ELAPOR2: variants seen among roughly 807,000 people sequenced by gnomAD.
The protein encoded by ELAPOR2 is endosome/lysosome-associated apoptosis and autophagy regulator family member 2.
ELAPOR2 carries 89 observed loss-of-function variants against 120.7 expected under a neutral mutation model. The observed-to-expected ratio is 0.74, with a 90% CI of 0.62 to 0.88. The LOEUF (loss-of-function observed/expected upper bound fraction) is 0.88. Ranked by LOEUF, ELAPOR2 falls within the 40% of genes least tolerant of loss-of-function variation. The probability of loss-of-function intolerance (pLI) is 0.00; values close to 1 mark genes in which losing one functional copy is unlikely to be tolerated. For missense variants in ELAPOR2, 1,134 were observed against 1,251.6 expected (o/e 0.91, Z 1.42); for synonymous variants, 444 against 444.9 (o/e 1.00, Z 0.03).
At chr7:86,931,065 T>C (rs1163595433) in intron 8 of ELAPOR2, among the ~76,000 whole-genome samples, 1 of 151,932 alleles carries the variant, frequency 6.6e-6, no homozygotes, top group Non-Finnish European at 1.5e-5. Context: ...AAACAGACTA[T>C]TTGAGTTAGA....
At chr7:86,962,601 T>C (rs1351380253) in intron 2 of ELAPOR2, among the ~76,000 whole-genome samples, 2 of 152,184 alleles carry the variant, frequency 1.3e-5, no homozygotes, top group Admixed American at 1.3e-4. Flanking sequence ...ATGTCTGTCT[T>C]TGAATCCTAG....
Position 86,930,921 on chromosome 7 carries a change from A to C in ELAPOR2, c.1090-4005T>G, listed in dbSNP as rs1452669853. ...TGAGTACCTACTATGCACAGGACAA[A>C]GTACCATGGGAGATTCAAGAATTAG... On this transcript the variant is annotated intron_variant, in intron 8 of 21. Transcript: ENST00000450689. 2.6e-5 allele frequency among the ~76,000 whole-genome samples: 4 copies of C among 151,980 alleles called. No homozygotes were observed. In the South Asian group the frequency reaches 6.2e-4, roughly 24 times the overall value.
intron 2 of ELAPOR2, among the ~76,000 whole-genome samples, chr7:86,960,876 A>AG (rs1289347202): frequency 6.6e-6 from 1 of 151,870 alleles, no homozygotes; most frequent in Non-Finnish European, 1.5e-5. Context: ...AATAGATTTG[A>AG]GAAAAAAAAA....
intron 1 of ELAPOR2, among the ~76,000 whole-genome samples, chr7:87,040,456 C>G (rs1253432710): frequency 6.6e-6 from 1 of 152,196 alleles, no homozygotes; most frequent in Non-Finnish European, 1.5e-5. Context: ...CAAGTGGGTC[C>G]CTGACCCCCG....
chr7:87,022,202 T>G (rs1192516412), intron 1 of ELAPOR2, among the ~76,000 whole-genome samples: 3 of 151,764 alleles, frequency 2.0e-5, no homozygotes, highest in Non-Finnish European at 4.4e-5. Flanking sequence ...TAACATTAGT[T>G]ATATCTCCTA....
chr7:86,951,029 C>T (rs892573175), intron 2 of ELAPOR2, among the ~76,000 whole-genome samples: 3 of 152,322 alleles, frequency 2.0e-5, no homozygotes, highest in East Asian at 1.9e-4. Flanking sequence ...CAGAATCAGA[C>T]ATTTGCCTAA....
intron 10 of ELAPOR2, among the ~76,000 whole-genome samples, chr7:86,921,713 T>C (rs1789838739): frequency 6.6e-6 from 1 of 152,122 alleles, no homozygotes; most frequent in Non-Finnish European, 1.5e-5. Flanking sequence ...TCTACTGCTC[T>C]GAACCCCCTG....
At chr7:86,942,170 C>G (rs555700448) in intron 4 of ELAPOR2, 66 bp from the exon 5 acceptor site, 1 of 878,676 alleles carries the variant, frequency 1.1e-6, no homozygotes, top group African/African-American at 1.7e-5. Flanking sequence ...AATTCTGTAC[C>G]CAGCACAGAC....
At chr7:86,988,217 G>T (rs1045052560) in intron 1 of ELAPOR2, among the ~76,000 whole-genome samples, 1 of 152,122 alleles carries the variant, frequency 6.6e-6, no homozygotes, top group Non-Finnish European at 1.5e-5. Context: ...TGTGGGGGGA[G>T]GGATAGCACT....
chr7:87,006,772 A>C (rs1351994919), intron 1 of ELAPOR2, among the ~76,000 whole-genome samples: 2 of 152,182 alleles, frequency 1.3e-5, no homozygotes, highest in Admixed American at 1.3e-4. Flanking sequence ...GCCACTTATT[A>C]TATTCAAAAT....
intron 1 of ELAPOR2, among the ~76,000 whole-genome samples, chr7:86,986,559 GACAA>G (rs924724742): frequency 8.7e-5 from 11 of 127,084 alleles, no homozygotes; most frequent in African/African-American, 3.8e-4. Flanking sequence ...ACCATTAACA[GACAA>G]ACAGACAAAT....
At chr7:87,004,583 C>T (rs1455269317) in intron 1 of ELAPOR2, among the ~76,000 whole-genome samples, 1 of 152,114 alleles carries the variant, frequency 6.6e-6, no homozygotes, top group Non-Finnish European at 1.5e-5. Flanking sequence ...GCCTGCCTGC[C>T]CTGTCATCTG....
intron 12 of ELAPOR2, among the ~76,000 whole-genome samples, chr7:86,915,684 T>C (rs978856317): frequency 6.7e-6 from 1 of 149,968 alleles, no homozygotes; most frequent in Non-Finnish European, 1.5e-5. Flanking sequence ...CTTCCATTAG[T>C]TATCTGGGAT....
intron 2 of ELAPOR2, among the ~76,000 whole-genome samples, chr7:86,958,475 AC>A (rs938439336): frequency 2.0e-5 from 3 of 151,996 alleles, no homozygotes; most frequent in Admixed American, 2.0e-4. Context: ...ACCTTATTTA[AC>A]CCCCTTAACC....
intron 9 of ELAPOR2, 42 bp from the exon 10 acceptor site, chr7:86,925,698 A>C: frequency 1.9e-6 from 3 of 1,585,306 alleles, no homozygotes; most frequent in Non-Finnish European, 2.6e-6. Flanking sequence ...ATTAAACTGC[A>C]TATGGACAAC....
intron 1 of ELAPOR2, among the ~76,000 whole-genome samples, chr7:87,023,932 C>T (rs189943096): frequency 6.6e-6 from 1 of 152,290 alleles, no homozygotes; most frequent in African/African-American, 2.4e-5. Context: ...TGAGACTTTG[C>T]TGAAGTTGCT....
At chr7:86,930,055 G>T (rs917138399) in intron 8 of ELAPOR2, among the ~76,000 whole-genome samples, 2 of 151,896 alleles carry the variant, frequency 1.3e-5, no homozygotes, top group East Asian at 3.9e-4. Context: ...TGTGAGAACA[G>T]ACTAACATAT....
At chr7:86,927,804 T>G (rs867781955) in intron 8 of ELAPOR2, among the ~76,000 whole-genome samples, 1 of 152,158 alleles carries the variant, frequency 6.6e-6, no homozygotes, top group Middle Eastern at 3.4e-3. Context: ...AACTATTTAA[T>G]AACTAAATGC....
At chr7:87,035,327 C>A (rs578094300) in intron 1 of ELAPOR2, among the ~76,000 whole-genome samples, 119 of 152,266 alleles carry the variant, frequency 7.8e-4, no homozygotes, top group African/African-American at 2.6e-3. Flanking sequence ...AGTATAAAGA[C>A]AAAGCTCATG....
Sources: allele counts gnomAD v4.1 joint callset (sites outside exome capture counted in the v4.1 genomes callset), GRCh38; gene constraint gnomAD v4.1.1; transcripts MANE v1.5; gene names NCBI Gene and HGNC (gene_info 2026-07-23, HGNC 2026-07-21).